EML5: variants seen among roughly 807,000 people sequenced by gnomAD.
EML5 encodes the protein EMAP like 5, also known as echinoderm microtubule-associated protein-like 5.
EML5 carries 120 observed loss-of-function variants against 250.0 expected under a neutral mutation model. That is an observed-to-expected ratio of 0.48 (90% CI 0.41 to 0.56). The LOEUF (loss-of-function observed/expected upper bound fraction) is 0.56, where lower values mean the gene tolerates loss of function less well. EML5 is among the 20% of genes least tolerant of loss of function. The probability of loss-of-function intolerance (pLI) is 0.00; values close to 1 mark genes in which losing one functional copy is unlikely to be tolerated. For synonymous variants in EML5, 771 were observed against 806.5 expected (o/e 0.96, Z 0.75); for missense variants, 2,006 against 2,437.6 (o/e 0.82, Z 3.73).
chr14:88,744,168 G>T, intron 3 of EML5, 77 bp from the exon 4 acceptor site: 1 of 915,848 alleles, frequency 1.1e-6, no homozygotes, highest in Non-Finnish European at 1.6e-6. Flanking sequence ...AGACCAAATG[G>T]CCCAAACTCC....
chr14:88,784,104 G>A lies in EML5; in HGVS notation c.197+8203C>T, dbSNP rs368610038. Among the ~76,000 whole-genome samples the A allele has an allele frequency of 6.6e-5, 10 of 152,226 alleles. No homozygotes were observed. The East Asian group carries it at 1.2e-3, about 18-fold the overall frequency. On this transcript the variant is annotated intron_variant, in intron 1 of 43. Coordinates refer to ENST00000554922, the MANE Select transcript of EML5 (RefSeq NM_183387.3). ...AACTGAAAAATTTCTTGAAACAAAT[G>A]TAAGTGGAAACAACATAACAAAACC...
chr14:88,654,959 C>T (rs2091810847), intron 27 of EML5, among the ~76,000 whole-genome samples: 1 of 152,014 alleles, frequency 6.6e-6, no homozygotes, highest in Non-Finnish European at 1.5e-5. Context: ...CTGGGTGCTC[C>T]TGTATTGGGT....
intron 1 of EML5, among the ~76,000 whole-genome samples, chr14:88,785,050 G>T (rs1306725305): frequency 6.6e-6 from 1 of 152,188 alleles, no homozygotes; most frequent in Admixed American, 6.5e-5. Context: ...CATCATGGAT[G>T]GGACTGGAGA....
At chr14:88,629,797 G>A (rs1216029707) in intron 33 of EML5, among the ~76,000 whole-genome samples, 1 of 152,104 alleles carries the variant, frequency 6.6e-6, no homozygotes, top group Non-Finnish European at 1.5e-5. Flanking sequence ...GCACAGGTAT[G>A]CTGTTCTCAG....
chr14:88,738,987 C>T lies in EML5; in HGVS notation c.739G>A (p.Glu247Lys), dbSNP rs2093886144. 6.2e-7 allele frequency: 1 copy of T among 1,606,654 alleles called. No individual in the cohort carries two copies. Among genetic ancestry groups the T allele is most frequent in the Non-Finnish European group, 8.5e-7 (1 of 1,177,670 alleles). Residue 247 changes from glutamate to lysine, a missense_variant, in exon 6 of 44, where the codon GAA becomes AAA. Physicochemically the swap from Glu to Lys is moderately conservative, Grantham distance 56. This residue lies in a region of EML5 where 1,375 missense variants were observed against 1,590.3 expected (regional missense o/e 0.86). Coordinates refer to ENST00000554922, the MANE Select transcript of EML5 (RefSeq NM_183387.3). ...CTGCCACCAGTAGCAAAGCCTTCTT[C>T]ACAAGCATTCATGCTAAAAATTCCT... ...AAGIFSMNAC[E>K]EGFATGGRDG...
At chr14:88,685,796 G>C (rs925234173) in intron 19 of EML5, among the ~76,000 whole-genome samples, 2 of 152,066 alleles carry the variant, frequency 1.3e-5, no homozygotes, top group Admixed American at 6.6e-5. Flanking sequence ...CTAGTAGAAT[G>C]TAAATGCTAT....
In EML5 at chr14:88,613,256, A is replaced by ATGAC. The variant is rs2087102816; in HGVS notation, c.*2558_*2561dup. ...GGCTGTTGTCTTCGGCTTGGGTGAA[A>ATGAC]TGACAGTTCCTCTTCATTCTAAAGG... On this transcript the variant is annotated 3_prime_UTR_variant, in exon 44 of 44. Transcript: ENST00000554922. 1 of 152,194 alleles carries ATGAC rather than the reference A, an allele frequency of 6.6e-6. No individual in the cohort carries two copies. The highest frequency in any genetic ancestry group is 6.5e-5 in the Admixed American group (1 of 15,276). The allele number at this position is 152,194 out of a possible 1,614,324, so 9.4% of individuals were successfully genotyped here. A position where few individuals can be genotyped will look rare whatever the true frequency, so the allele number is the denominator to read the frequency against.
chr14:88,637,301 G>C (rs1457083082), intron 32 of EML5, among the ~76,000 whole-genome samples: 1 of 152,062 alleles, frequency 6.6e-6, no homozygotes, highest in Non-Finnish European at 1.5e-5. Flanking sequence ...CCCAGATTTT[G>C]ACTTGGAAAG....
intron 21 of EML5, among the ~76,000 whole-genome samples, chr14:88,677,365 G>A (rs2141115450): frequency 1.3e-5 from 2 of 152,224 alleles, no homozygotes; most frequent in South Asian, 4.2e-4. Context: ...AGAAAATCTA[G>A]GCAATACCAT....
intron 21 of EML5, among the ~76,000 whole-genome samples, chr14:88,665,907 CA>C (rs1345204895): frequency 0.028 from 3,758 of 132,478 alleles, 95 homozygotes; most frequent in African/African-American, 0.073. Context: ...GACCTTGCCT[CA>C]AAAAAAAAAA....
At chr14:88,713,556 C>A (rs2093440413) in intron 9 of EML5, among the ~76,000 whole-genome samples, 1 of 151,988 alleles carries the variant, frequency 6.6e-6, no homozygotes, top group Non-Finnish European at 1.5e-5. Flanking sequence ...TGGCTCCCAG[C>A]AGCCTTGAAC....
chr14:88,627,096 T>C, intron 34 of EML5, 50 bp from the exon 35 acceptor site: 1 of 1,569,324 alleles, frequency 6.4e-7, no homozygotes, highest in Non-Finnish European at 8.7e-7. Context: ...ACCAAGCTAA[T>C]CAACAGCATC....
At chr14:88,693,379 T>C (rs533829951) in intron 17 of EML5, among the ~76,000 whole-genome samples, 2 of 152,290 alleles carry the variant, frequency 1.3e-5, no homozygotes, top group East Asian at 3.9e-4. Context: ...ACGTCTTACA[T>C]GGTGACAGGC....
intron 29 of EML5, among the ~76,000 whole-genome samples, chr14:88,644,901 G>A (rs192649877): frequency 5.4e-4 from 82 of 151,964 alleles, no homozygotes; most frequent in African/African-American, 1.7e-3. Flanking sequence ...TAGTAGAGAC[G>A]GGGTTTCACC....
intron 28 of EML5, among the ~76,000 whole-genome samples, chr14:88,649,478 A>G (rs1727702343): frequency 6.6e-6 from 1 of 152,230 alleles, no homozygotes. Context: ...GTCTTTACCT[A>G]CATGTCATTT....
At chr14:88,617,701 A>T (rs1267637438) in intron 41 of EML5, 2 of 152,342 alleles carry the variant, frequency 1.3e-5, no homozygotes, top group Non-Finnish European at 2.9e-5. Flanking sequence ...TTCTAGGCTC[A>T]AGTGATCCTC....
intron 21 of EML5, among the ~76,000 whole-genome samples, chr14:88,678,063 T>C (rs545146838): frequency 6.6e-6 from 1 of 152,196 alleles, no homozygotes; most frequent in East Asian, 1.9e-4. Flanking sequence ...GATATTAGAC[T>C]GGATAAAGAA....
chr14:88,776,474 T>C (rs964576026), intron 1 of EML5, among the ~76,000 whole-genome samples: 3 of 151,934 alleles, frequency 2.0e-5, no homozygotes, highest in African/African-American at 7.3e-5. Flanking sequence ...ACAATTGACA[T>C]ACTGAAGAAT....
rs1457749779 is a variant in EML5, at chr14:88,665,369, T to C, written c.3245A>G (p.Lys1082Arg). 2.5e-6 allele frequency: 4 copies of C among 1,613,554 alleles called. No homozygotes were observed. The highest frequency in any genetic ancestry group is 3.4e-6 in the Non-Finnish European group (4 of 1,179,712). The change falls in exon 22 of 44, where the codon AAA becomes AGA. Residue 1082 changes from lysine (K) to arginine (R), a missense_variant. Physicochemically the swap from Lys to Arg is conservative, Grantham distance 26. Coordinates refer to ENST00000554922, the MANE Select transcript of EML5 (RefSeq NM_183387.3). ...LEDLVSFHHR[K>R]DMISDIRFSP... ...AAATCGAATATCTGAAATCATATCT[T>C]TTCTGTGATGAAAAGACACAAGATC... is the stretch of plus-strand genomic sequence containing the variant.
Sources: gnomAD v4.1 joint callset for allele counts (sites outside exome capture counted in the v4.1 genomes callset) on GRCh38, gnomAD v4.1.1 for gene constraint, gnomAD v4.1.1 regional missense constraint, MANE v1.5 for transcripts, NCBI Gene and HGNC (gene_info 2026-07-23, HGNC 2026-07-21) for gene names.